The following CHRNA9 variants were observed in gnomAD, a reference collection of about 807,000 sequenced individuals.
CHRNA9 encodes cholinergic receptor nicotinic alpha 9 subunit, also known as neuronal acetylcholine receptor subunit alpha-9.
A neutral mutation model predicts 36.8 loss-of-function variants in CHRNA9; 24 were observed. That is an observed-to-expected ratio of 0.65 (90% confidence interval 0.47 to 0.92). The LOEUF (loss-of-function observed/expected upper bound fraction) is 0.92. Ranked by LOEUF, CHRNA9 falls within the 40% of genes least tolerant of loss-of-function variation. CHRNA9 has a pLI of 0.00. For missense variants in CHRNA9, 610 were observed against 601.2 expected, an observed-to-expected ratio of 1.01 and a Z score of -0.15; for synonymous variants, 231 against 231.8, an observed-to-expected ratio of 1.00 and a Z score of 0.03.
At chr4:40,340,808 T>C (rs1290186038) in intron 3 of CHRNA9, among the ~76,000 whole-genome samples, 1 of 151,730 alleles carries the variant, frequency 6.6e-6, no homozygotes, top group Admixed American at 6.6e-5. Context: ...CACAGAACAG[T>C]TGAATTTGCT....
At chr4:40,340,019 C>T (rs542346730) in intron 3 of CHRNA9, among the ~76,000 whole-genome samples, 3 of 152,204 alleles carry the variant, frequency 2.0e-5, no homozygotes, top group South Asian at 4.2e-4. Flanking sequence ...GAACGGTGGT[C>T]CCCCTCTCCC....
In CHRNA9 at chr4:40,335,532, G is replaced by A; in HGVS notation, c.64+1G>A. 1.9e-6 allele frequency: 3 copies of A among 1,609,756 alleles called. No individual in the cohort carries two copies. Among genetic ancestry groups the A allele is most frequent in the Non-Finnish European group, 2.6e-6 (3 of 1,175,924 alleles). ...TACTTTGCTGCTTCCAGACTGAGAG[G>A]TGAGAGGCTGGTGACACGTAACCTA... is the stretch of plus-strand genomic sequence containing the variant. On this transcript the variant is annotated splice_donor_variant, in intron 1 of 4. Transcript: ENST00000310169. LOFTEE classifies it high-confidence loss of function.
chr4:40,337,665 C>T (rs1712367349), intron 3 of CHRNA9, among the ~76,000 whole-genome samples: 1 of 152,106 alleles, frequency 6.6e-6, no homozygotes, highest in Non-Finnish European at 1.5e-5. Context: ...GATGACTTAA[C>T]AAAAATGTGT....
intron 4 of CHRNA9, 78 bp from the exon 5 acceptor site, chr4:40,353,900 TC>T: frequency 8.1e-7 from 1 of 1,241,990 alleles, no homozygotes; most frequent in Non-Finnish European, 1.1e-6. Flanking sequence ...TCAGAATGTA[TC>T]CCTGTTGTTA....
At chr4:40,336,509 TG>T (rs1712323685) in intron 2 of CHRNA9, among the ~76,000 whole-genome samples, 1 of 152,060 alleles carries the variant, frequency 6.6e-6, no homozygotes, top group Non-Finnish European at 1.5e-5. Flanking sequence ...GACGGAGTCT[TG>T]CTGTCACCCA....
intron 2 of CHRNA9, among the ~76,000 whole-genome samples, chr4:40,336,600 C>T (rs1483893609): frequency 6.6e-6 from 1 of 152,028 alleles, no homozygotes; most frequent in Admixed American, 6.6e-5. Flanking sequence ...CCTCAGCCTC[C>T]TGAGTAGCTG....
chr4:40,352,461 G>A (rs1712830802), intron 4 of CHRNA9, among the ~76,000 whole-genome samples: 1 of 152,158 alleles, frequency 6.6e-6, no homozygotes, highest in Non-Finnish European at 1.5e-5. Flanking sequence ...CTGACCTCAA[G>A]TGATCCACCC....
chr4:40,351,203 G>A (rs113207105), intron 4 of CHRNA9, among the ~76,000 whole-genome samples: 3,212 of 151,082 alleles, frequency 0.021, 119 homozygotes, highest in African/African-American at 0.075. Flanking sequence ...ATGGTGGTGC[G>A]TGCCTGTAAT....
intron 3 of CHRNA9, among the ~76,000 whole-genome samples, chr4:40,344,715 G>GA (rs1712589353): frequency 1.3e-5 from 2 of 152,148 alleles, no homozygotes; most frequent in Non-Finnish European, 1.5e-5. Flanking sequence ...ATCAGGTTCT[G>GA]AACTCAAATC....
In CHRNA9 at chr4:40,354,034, C is replaced by T. The variant is rs200583685; in HGVS notation, c.954C>T (p.Ile318=). ...ALITASTALT[I]MVMNIHFCGA... is the part of the protein sequence containing the mutation. The stretch of plus-strand genomic sequence containing the variant: ...TCACAGCCTCCACTGCGTTGACCAT[C>T]ATGGTGATGAATATCCACTTCTGTG... The change falls in exon 5 of 5, where the codon ATC becomes ATT. Residue 318 remains isoleucine, a synonymous_variant. Transcript: ENST00000310169. The T allele has an allele frequency of 4.3e-6, 7 of 1,614,168 alleles. No individual in the cohort carries two copies. Among genetic ancestry groups the T allele is most frequent in the Middle Eastern group, 1.6e-4 (1 of 6,062 alleles).
Position 40,337,282 on chromosome 4 carries a change from G to A in CHRNA9, c.283G>A (p.Asp95Asn), listed in dbSNP as rs1288779194. 1 of 1,614,126 alleles carries A rather than the reference G, an allele frequency of 6.2e-7. No individual in the cohort carries two copies. The highest frequency in any genetic ancestry group is 2.2e-5 in the East Asian group (1 of 44,888). ...CTGGCACGATGCCTATCTCACGTGG[G>A]ACCGAGATCAGTACGATGGCCTAGA... Reference protein sequence around the residue: ...QIWHDAYLTWDRDQYDGLDSI... With the variant: ...QIWHDAYLTWNRDQYDGLDSI... The change falls in exon 3 of 5, where the codon GAC becomes AAC. Residue 95 changes from aspartate to asparagine, a missense_variant. By Grantham distance (23) the Asp-to-Asn change is conservative. Coordinates refer to ENST00000310169, the MANE Select transcript of CHRNA9 (RefSeq NM_017581.4).
In CHRNA9 at chr4:40,349,052, A is replaced by G. The variant is rs766339029; in HGVS notation, c.536A>G (p.Asn179Ser). ...CTGACTTTTGGTTCCTGGACCTACAATGGCAATCAGGTGGACATATTCAAC... is the reference window on the plus strand; with the variant it reads ...CTGACTTTTGGTTCCTGGACCTACAGTGGCAATCAGGTGGACATATTCAAC... ...CNLTFGSWTY[N>S]GNQVDIFNAL... Residue 179 changes from asparagine (N) to serine (S), a missense_variant, in exon 4 of 5, where the codon AAT becomes AGT. Coordinates refer to ENST00000310169, the MANE Select transcript of CHRNA9 (RefSeq NM_017581.4). 4 of 1,614,066 alleles carry G rather than the reference A, an allele frequency of 2.5e-6. No individual in the cohort carries two copies. Among genetic ancestry groups the G allele is most frequent in the African/African-American group, 2.7e-5 (2 of 74,922 alleles).
intron 3 of CHRNA9, among the ~76,000 whole-genome samples, chr4:40,348,546 A>G (rs1278584436): frequency 6.6e-6 from 1 of 152,216 alleles, no homozygotes; most frequent in Admixed American, 6.5e-5. Context: ...TAACAAATCA[A>G]GTAAGCAGAT....
chr4:40,346,030 AAACAAC>A (rs145046393), intron 3 of CHRNA9, among the ~76,000 whole-genome samples: 46,299 of 151,538 alleles, frequency 0.31, 7,477 homozygotes, highest in African/African-American at 0.4. Flanking sequence ...CGTCTCAAAC[AAACAAC>A]AACAACAACA....
At chr4:40,337,388 C>A in intron 3 of CHRNA9, 24 bp downstream of exon 3, 1 of 1,596,284 alleles carries the variant, frequency 6.3e-7, no homozygotes. Flanking sequence ...AGAACTGAGG[C>A]TTTTCAGGCA....
At chr4:40,353,617 C>T (rs76706995) in intron 4 of CHRNA9, among the ~76,000 whole-genome samples, 2 of 152,054 alleles carry the variant, frequency 1.3e-5, no homozygotes, top group African/African-American at 2.4e-5. Flanking sequence ...AATGACAGAC[C>T]GTGTATACAA....
chr4:40,339,662 C>A (rs1431978355), intron 3 of CHRNA9, among the ~76,000 whole-genome samples: 86 of 94,084 alleles, frequency 9.1e-4, no homozygotes, highest in South Asian at 2.0e-3. Context: ...GACTCTATCT[C>A]AAAAAAAAAA....
At chr4:40,342,976 T>C (rs1423834040) in intron 3 of CHRNA9, among the ~76,000 whole-genome samples, 1 of 151,998 alleles carries the variant, frequency 6.6e-6, no homozygotes, top group African/African-American at 2.4e-5. Flanking sequence ...AAAGTGAATA[T>C]GTGAAAGAGA....
intron 3 of CHRNA9, among the ~76,000 whole-genome samples, chr4:40,343,669 A>G (rs1484528513): frequency 6.6e-6 from 1 of 152,242 alleles, no homozygotes; most frequent in Non-Finnish European, 1.5e-5. Flanking sequence ...ATATTCCGTG[A>G]GGGTTATATT....
Sources: gnomAD v4.1 joint callset for allele counts (sites outside exome capture counted in the v4.1 genomes callset) on GRCh38, gnomAD v4.1.1 for gene constraint, MANE v1.5 for transcripts, NCBI Gene and HGNC (gene_info 2026-07-23, HGNC 2026-07-21) for gene names.